The following MCPH1 variants were observed in gnomAD, a reference collection of about 807,000 sequenced individuals.
The protein encoded by MCPH1 is microcephalin.
In MCPH1, 104 loss-of-function variants were observed where a neutral mutation model predicts 84.5. That is an observed-to-expected ratio of 1.23 (90% CI 1.05 to 1.45). MCPH1 has a LOEUF of 1.45. Ranked by LOEUF, MCPH1 falls within the 40% of genes most tolerant of loss-of-function variation. The pLI, the probability that MCPH1 is intolerant of heterozygous loss-of-function variation, is 0.00. For synonymous variants in MCPH1, 514 were observed against 366.8 expected, an observed-to-expected ratio of 1.40 and a Z score of -4.58; for missense variants, 1,498 against 1,005.7, an observed-to-expected ratio of 1.49 and a Z score of -6.62.
intron 12 of MCPH1, among the ~76,000 whole-genome samples, chr8:6,522,591 T>C (rs7813127): frequency 0.17 from 26,224 of 151,632 alleles, 3,066 homozygotes; most frequent in African/African-American, 0.34. Flanking sequence ...CTGGCCAACA[T>C]GGTGAAACCC....
At chr8:6,455,757 G>C (rs1355964036) in intron 9 of MCPH1, among the ~76,000 whole-genome samples, 1 of 152,196 alleles carries the variant, frequency 6.6e-6, no homozygotes, top group Non-Finnish European at 1.5e-5. Context: ...ATGAGTAATA[G>C]AATGAGGATT....
intron 12 of MCPH1, among the ~76,000 whole-genome samples, chr8:6,536,996 C>A (rs1008184288): frequency 1.3e-5 from 2 of 149,494 alleles, no homozygotes; most frequent in Admixed American, 1.3e-4. Context: ...AAAAACCAAC[C>A]CAGTAAATAA....
intron 2 of MCPH1, 62 bp from the exon 3 acceptor site, chr8:6,414,703 A>T: frequency 6.4e-7 from 1 of 1,573,774 alleles, no homozygotes; most frequent in Non-Finnish European, 8.6e-7. Flanking sequence ...TTTTTTGATC[A>T]GTTGTAGTTA....
intron 12 of MCPH1, among the ~76,000 whole-genome samples, chr8:6,579,129 T>C (rs545933006): frequency 6.6e-6 from 1 of 152,150 alleles, no homozygotes; most frequent in African/African-American, 2.4e-5. Flanking sequence ...TTCATTCACT[T>C]AAAACTCACC....
At chr8:6,629,739 A>T (rs540332068) in intron 13 of MCPH1, among the ~76,000 whole-genome samples, 5 of 152,188 alleles carry the variant, frequency 3.3e-5, no homozygotes, top group Non-Finnish European at 7.3e-5. Flanking sequence ...ATGAATTCTG[A>T]TATCACCTGC....
intron 3 of MCPH1, among the ~76,000 whole-genome samples, chr8:6,421,280 C>G (rs1439788170): frequency 6.6e-6 from 1 of 152,152 alleles, no homozygotes; most frequent in East Asian, 1.9e-4. Flanking sequence ...CTCTGGCTGC[C>G]AATTTATCAC....
intron 12 of MCPH1, chr8:6,562,552 C>CCTTTTTTTTTTTTTTTTTT (rs1825699064): frequency 1.4e-5 from 1 of 71,748 alleles, no homozygotes; most frequent in Non-Finnish European, 2.6e-5. Flanking sequence ...CATCCTCCTT[C>CCTTTTTTTTTTTTTTTTTT]TTTTTTTTTT....
At chr8:6,545,118 C>T (rs879625275) in intron 12 of MCPH1, among the ~76,000 whole-genome samples, 7 of 152,010 alleles carry the variant, frequency 4.6e-5, no homozygotes, top group South Asian at 2.1e-4. Flanking sequence ...TTCCATGAAG[C>T]TCAAGAATGG....
chr8:6,444,377 C>G lies in MCPH1; in HGVS notation c.671-16C>G, dbSNP rs147324953. On this transcript the variant is annotated splice_polypyrimidine_tract_variant and intron_variant, in intron 7 of 13. Coordinates refer to ENST00000344683, the MANE Select transcript of MCPH1 (RefSeq NM_024596.5). ...AAACCACTTTTAAAAGTTAGCTCTCCGTTAATGTTTTCCAGATGAATACTT... is the reference window on the plus strand; with the variant it reads ...AAACCACTTTTAAAAGTTAGCTCTCGGTTAATGTTTTCCAGATGAATACTT... 6.2e-7 allele frequency: 1 copy of G among 1,613,700 alleles called. No homozygotes were observed. The highest frequency in any genetic ancestry group is 8.5e-7 in the Non-Finnish European group (1 of 1,179,962).
At chr8:6,624,054 G>A (rs1362730105) in intron 13 of MCPH1, among the ~76,000 whole-genome samples, 3 of 152,218 alleles carry the variant, frequency 2.0e-5, no homozygotes, top group African/African-American at 2.4e-5. Context: ...CCTTCCTGTG[G>A]GTCCTGCGTC....
At chr8:6,622,582 A>G (rs760915355) in intron 13 of MCPH1, among the ~76,000 whole-genome samples, 4 of 152,180 alleles carry the variant, frequency 2.6e-5, no homozygotes, top group Non-Finnish European at 4.4e-5. Flanking sequence ...GCAAAATACT[A>G]CAGGCTGGGT....
At chr8:6,426,263 T>G (rs1330578707) in intron 3 of MCPH1, among the ~76,000 whole-genome samples, 1 of 152,228 alleles carries the variant, frequency 6.6e-6, no homozygotes. Context: ...TTTTTGTGTA[T>G]ACCTGTGTCA....
At chr8:6,480,965 G>A (rs1809151142) in intron 11 of MCPH1, 89 bp downstream of exon 11, 9 of 1,441,748 alleles carry the variant, frequency 6.2e-6, no homozygotes, top group Admixed American at 1.7e-5. Context: ...CACTCAGGCC[G>A]GCGTGCACCC....
At chr8:6,455,071 A>G in intron 8 of MCPH1, 72 bp from the exon 9 acceptor site, 3 of 1,135,170 alleles carry the variant, frequency 2.6e-6, no homozygotes, top group East Asian at 2.3e-5. Context: ...CATAAATGTG[A>G]TTTTTGTTTT....
rs6985288 is a variant in MCPH1 at position 6,603,303 on chromosome 8, G to C, written c.2215-18151G>C. ...CAGTTTTCTCACTGGTGATTGTGCA[G>C]GGGTGGAATGGCAATGGAATGCATA... is the stretch of plus-strand genomic sequence containing the variant. On this transcript the variant is annotated intron_variant, in intron 12 of 13. Coordinates refer to ENST00000344683, the MANE Select transcript of MCPH1 (RefSeq NM_024596.5). Among the ~76,000 whole-genome samples the C allele has an allele frequency of 6.6e-3, 1,000 of 152,170 alleles. 10 individuals are homozygous for C. The highest frequency in any genetic ancestry group is 0.023 in the African/African-American group (949 of 41,496).
At chr8:6,460,839 T>G (rs1247665371) in intron 9 of MCPH1, among the ~76,000 whole-genome samples, 1 of 152,158 alleles carries the variant, frequency 6.6e-6, no homozygotes, top group East Asian at 1.9e-4. Flanking sequence ...ACTCACTGAC[T>G]TAGTAGCTGG....
intron 13 of MCPH1, among the ~76,000 whole-genome samples, chr8:6,640,059 CGTGTG>C (rs1797828274): frequency 7.5e-6 from 1 of 134,196 alleles, no homozygotes; most frequent in Non-Finnish European, 1.6e-5. Context: ...ATTTTAAACT[CGTGTG>C]TGTGTGTGTG....
In MCPH1 at chr8:6,447,336, G is replaced by A. The variant is rs1804549891; in HGVS notation, c.1825+1789G>A. The A allele has an allele frequency of 8.1e-6, 8 of 985,312 alleles. No individual in the cohort carries two copies. In the South Asian group the frequency reaches 3.8e-4, roughly 46 times the overall value. The allele number at this position is 985,312 out of a possible 1,614,324, so 61.0% of individuals were successfully genotyped here. A position where few individuals can be genotyped will look rare whatever the true frequency, so the allele number is the denominator to read the frequency against. ...CTATATCTGGTGAAATTATGGAGGGGTGAAAACTTCTGTACAGCAAACTGT... is the reference window on the plus strand; with the variant it reads ...CTATATCTGGTGAAATTATGGAGGGATGAAAACTTCTGTACAGCAAACTGT... On this transcript the variant is annotated intron_variant, in intron 8 of 13. Transcript: ENST00000344683.
At chr8:6,425,915 T>C (rs1298592100) in intron 3 of MCPH1, among the ~76,000 whole-genome samples, 2 of 152,208 alleles carry the variant, frequency 1.3e-5, no homozygotes, top group African/African-American at 4.8e-5. Flanking sequence ...TCTACGTCTT[T>C]CGTCCAGATG....
Sources: allele counts gnomAD v4.1 joint callset (sites outside exome capture counted in the v4.1 genomes callset), GRCh38; gene constraint gnomAD v4.1.1; transcripts MANE v1.5; gene names NCBI Gene and HGNC (gene_info 2026-07-23, HGNC 2026-07-21).